Variants in RIT2 observed in about 807,000 individuals in gnomAD.
RIT2 encodes the protein GTP-binding protein Rit2.
RIT2 carries 24 observed loss-of-function variants against 23.7 expected under a neutral mutation model. The observed-to-expected ratio is 1.01, with a 90% confidence interval of 0.73 to 1.43. The LOEUF is 1.43. RIT2 is among the 40% of genes most tolerant of loss of function. The probability of loss-of-function intolerance (pLI) is 0.00; values close to 1 mark genes in which losing one functional copy is unlikely to be tolerated. For missense variants in RIT2, 236 were observed against 266.9 expected (o/e 0.88, Z 0.81); for synonymous variants, 107 against 91.1 (o/e 1.17, Z -0.99).
chr18:42,850,441 C>G (rs1316649819), intron 4 of RIT2, among the ~76,000 whole-genome samples: 1 of 152,084 alleles, frequency 6.6e-6, no homozygotes, highest in Admixed American at 6.6e-5. Context: ...TGGTGGCAGA[C>G]CACATTTGAT....
chr18:42,843,760 T>C (rs533314691), intron 4 of RIT2, among the ~76,000 whole-genome samples: 4 of 152,186 alleles, frequency 2.6e-5, no homozygotes, highest in Non-Finnish European at 2.9e-5. Context: ...TTGATGTTTG[T>C]AGCAATGACT....
intron 3 of RIT2, among the ~76,000 whole-genome samples, chr18:42,952,642 C>A: frequency 6.6e-6 from 1 of 151,872 alleles, no homozygotes; most frequent in East Asian, 1.9e-4. Flanking sequence ...TACTGTACAG[C>A]CGTTTGTATG....
intron 1 of RIT2, among the ~76,000 whole-genome samples, chr18:43,037,134 GTCTA>G (rs1484352505): frequency 6.6e-6 from 1 of 152,060 alleles, no homozygotes; most frequent in Non-Finnish European, 1.5e-5. Flanking sequence ...AATAACAATG[GTCTA>G]TCTTTTACTC....
intron 1 of RIT2, among the ~76,000 whole-genome samples, chr18:43,104,854 C>T (rs1434553777): frequency 1.3e-5 from 2 of 152,096 alleles, no homozygotes; most frequent in African/African-American, 4.8e-5. Flanking sequence ...TTATTATTAG[C>T]TTTTCCTGCA....
At chr18:42,759,047 G>C (rs1310398819) in intron 4 of RIT2, among the ~76,000 whole-genome samples, 1 of 152,152 alleles carries the variant, frequency 6.6e-6, no homozygotes, top group Non-Finnish European at 1.5e-5. Flanking sequence ...GTAGTAGCAT[G>C]ACTCAGTCCT....
chr18:43,027,472 T>C (rs1349020735), intron 2 of RIT2, among the ~76,000 whole-genome samples: 1 of 152,042 alleles, frequency 6.6e-6, no homozygotes, highest in East Asian at 1.9e-4. Context: ...TACTGGCTTA[T>C]GTAGGAGCAT....
At chr18:42,949,690 C>T (rs1909805912) in intron 3 of RIT2, among the ~76,000 whole-genome samples, 1 of 152,042 alleles carries the variant, frequency 6.6e-6, no homozygotes, top group African/African-American at 2.4e-5. Flanking sequence ...ATTCTGACAA[C>T]TTTCACAAAG....
At chr18:42,788,654 A>C (rs552913456) in intron 4 of RIT2, among the ~76,000 whole-genome samples, 1 of 152,190 alleles carries the variant, frequency 6.6e-6, no homozygotes, top group Admixed American at 6.5e-5. Context: ...CTCCAGCTCC[A>C]TGTAGTAGAT....
At chr18:43,063,895 C>T (rs887024415) in intron 1 of RIT2, among the ~76,000 whole-genome samples, 2 of 152,198 alleles carry the variant, frequency 1.3e-5, no homozygotes, top group Middle Eastern at 3.4e-3. Context: ...GGAGTAAGAC[C>T]TCATCCAGAT....
intron 4 of RIT2, among the ~76,000 whole-genome samples, chr18:42,854,109 A>G (rs2144040261): frequency 6.6e-6 from 1 of 152,294 alleles, no homozygotes; most frequent in East Asian, 1.9e-4. Context: ...AACTCTATAA[A>G]TATGATGTAA....
intron 4 of RIT2, among the ~76,000 whole-genome samples, chr18:42,763,461 C>CA (rs35389876): frequency 0.95 from 130,498 of 137,698 alleles, 62,105 homozygotes; most frequent in South Asian, 0.99. Flanking sequence ...GACTCCGTCT[C>CA]AAAAAAAAAA....
At chr18:42,874,009 G>A (rs1907684896) in intron 4 of RIT2, among the ~76,000 whole-genome samples, 1 of 152,046 alleles carries the variant, frequency 6.6e-6, no homozygotes, top group Non-Finnish European at 1.5e-5. Flanking sequence ...TATAGAATGG[G>A]AAATGAAGGC....
chr18:42,851,200 C>T (rs1434587170), intron 4 of RIT2, among the ~76,000 whole-genome samples: 2 of 152,130 alleles, frequency 1.3e-5, no homozygotes, highest in African/African-American at 4.8e-5. Flanking sequence ...TTTGAGGTGG[C>T]TTTTTCTCTT....
At chr18:42,997,066 C>T (rs1911001417) in intron 2 of RIT2, among the ~76,000 whole-genome samples, 1 of 152,110 alleles carries the variant, frequency 6.6e-6, no homozygotes, top group Non-Finnish European at 1.5e-5. Flanking sequence ...TCAGTGGCAA[C>T]AGCCTGTTGT....
intron 4 of RIT2, among the ~76,000 whole-genome samples, chr18:42,890,652 C>T (rs1349362847): frequency 6.6e-6 from 1 of 151,842 alleles, no homozygotes; most frequent in Non-Finnish European, 1.5e-5. Flanking sequence ...CAAAAAGGTC[C>T]AGAATTATCT....
chr18:42,779,327 C>G (rs1913751217), intron 4 of RIT2, among the ~76,000 whole-genome samples: 1 of 152,036 alleles, frequency 6.6e-6, no homozygotes, highest in African/African-American at 2.4e-5. Flanking sequence ...AGATAGAGCC[C>G]CTGTCTCCCT....
At chr18:42,924,873 T>C (rs1053541070) in intron 3 of RIT2, among the ~76,000 whole-genome samples, 1 of 152,062 alleles carries the variant, frequency 6.6e-6, no homozygotes, top group African/African-American at 2.4e-5. Flanking sequence ...TCCAGGAACT[T>C]TGGAAAACTA....
intron 4 of RIT2, among the ~76,000 whole-genome samples, chr18:42,760,432 G>A (rs1913273633): frequency 6.6e-6 from 1 of 152,186 alleles, no homozygotes; most frequent in African/African-American, 2.4e-5. Flanking sequence ...TTCTGGTCAT[G>A]TCAGAGCACC....
chr18:43,021,593 G>A (rs140323919), intron 2 of RIT2, among the ~76,000 whole-genome samples: 7 of 152,178 alleles, frequency 4.6e-5, no homozygotes, highest in Non-Finnish European at 1.0e-4. Flanking sequence ...CCTGGGTACT[G>A]TTCCTGGAAT....
Sources: allele counts gnomAD v4.1 joint callset (sites outside exome capture counted in the v4.1 genomes callset), GRCh38; gene constraint gnomAD v4.1.1; transcripts MANE v1.5; gene names NCBI Gene and HGNC (gene_info 2026-07-23, HGNC 2026-07-21).